TRIM23: variants seen among roughly 807,000 people sequenced by gnomAD.
TRIM23 encodes the protein E3 ubiquitin-protein ligase TRIM23.
TRIM23 carries 27 observed loss-of-function variants against 71.0 expected under a neutral mutation model. The ratio of observed to expected loss-of-function variants is 0.38; its 90% confidence interval spans 0.28 to 0.52. The LOEUF is 0.52. TRIM23 is among the 20% of genes least tolerant of loss of function. The pLI is 0.84. For synonymous variants in TRIM23, 234 were observed against 238.0 expected, an observed-to-expected ratio of 0.98 and a Z score of 0.16; for missense variants, 482 against 692.3, an observed-to-expected ratio of 0.70 and a Z score of 3.41.
chr5:65,611,034 A>G lies in TRIM23; in HGVS notation c.655T>C (p.Leu219=). 6.2e-7 allele frequency: 1 copy of G among 1,611,280 alleles called. No homozygotes were observed. Among genetic ancestry groups the G allele is most frequent in the Non-Finnish European group, 8.5e-7 (1 of 1,179,296 alleles). The stretch of plus-strand genomic sequence containing the variant: ...CGGATCTGATTAGCTTCTGGTTCCA[A>G]TACTGAATGCTATAAAATGTACCAT... ...GKHQGHKHSV[L]EPEANQIRAS... Residue 219 remains leucine, a synonymous_variant, in exon 5 of 11, where the codon TTG becomes CTG. Transcript: ENST00000231524.
At chr5:65,622,471 G>A (rs776275914) in intron 1 of TRIM23, among the ~76,000 whole-genome samples, 3 of 152,158 alleles carry the variant, frequency 2.0e-5, no homozygotes, top group East Asian at 1.9e-4. Flanking sequence ...GTGTGCCACC[G>A]CGCCTAGCCA....
In TRIM23 at chr5:65,594,605, A is replaced by C. The variant is rs753802144; in HGVS notation, c.1461T>G (p.Ile487Met). 3.7e-6 allele frequency: 6 copies of C among 1,611,858 alleles called. No homozygotes were observed. The highest frequency in any genetic ancestry group is 3.3e-5 in the South Asian group (3 of 90,562). The part of the protein sequence containing the change: ...FVVDSSHRDR[I>M]SEAHSELAKL... Reference sequence around the variant, plus strand: ...TTGCAAGTTCGCTGTGTGCTTCACTAATTCTGTCTCTATGACTGCTATCTA... The same window carrying C: ...TTGCAAGTTCGCTGTGTGCTTCACTCATTCTGTCTCTATGACTGCTATCTA... The change falls in exon 10 of 11, where the codon ATT becomes ATG. Residue 487 changes from isoleucine (I) to methionine (M), a missense_variant. By Grantham distance (10) the Ile-to-Met change is conservative. Around this residue, in one of 2 missense-constraint regions of TRIM23, gnomAD observed 307 missense variants for 495.8 expected, o/e 0.62. Coordinates refer to ENST00000231524, the MANE Select transcript of TRIM23 (RefSeq NM_001656.4).
intron 5 of TRIM23, 141 bp downstream of exon 5, chr5:65,610,720 G>GA: frequency 1.6e-6 from 1 of 616,530 alleles, no homozygotes. Context: ...ATGAGTTCCT[G>GA]AAAGACAGGG....
Position 65,591,603 on chromosome 5 carries a change from T to G in TRIM23, c.*166A>C. 2 of 1,252,534 alleles carry G rather than the reference T, an allele frequency of 1.6e-6. No homozygotes were observed. The highest frequency in any genetic ancestry group is 2.1e-6 in the Non-Finnish European group (2 of 966,740). The allele number at this position is 1,252,534 out of a possible 1,614,324, so 77.6% of individuals were successfully genotyped here. A position where few individuals can be genotyped will look rare whatever the true frequency, so the allele number is the denominator to read the frequency against. Reference sequence around the variant, plus strand: ...TTAGAAATTTAATTCTGCCACAAAATTTTTTTAAAGCAAAGTACTGAATTC... The same window carrying G: ...TTAGAAATTTAATTCTGCCACAAAAGTTTTTTAAAGCAAAGTACTGAATTC... On this transcript the variant is annotated 3_prime_UTR_variant, in exon 11 of 11. Transcript: ENST00000231524.
Position 65,618,125 on chromosome 5 carries a change from C to T in TRIM23, c.212G>A (p.Arg71His), listed in dbSNP as rs1050006486. 24 of 1,612,906 alleles carry T rather than the reference C, an allele frequency of 1.5e-5. No homozygotes were observed. The highest frequency in any genetic ancestry group is 2.7e-5 in the African/African-American group (2 of 74,844). The change falls in exon 2 of 11, where the codon CGT (arginine) becomes CAT (histidine). Residue 71 changes from arginine (R) to histidine (H), a missense_variant. Physicochemically the swap from Arg to His is conservative, Grantham distance 29. Around this residue, in one of 2 missense-constraint regions of TRIM23, gnomAD observed 175 missense variants for 196.5 expected, o/e 0.89. Transcript: ENST00000231524. The stretch of plus-strand genomic sequence containing the variant: ...TGTTACTTGTCGATCAAATGGGCAA[C>T]GGATTGCTCTTCCATGAAGAGGTAG... ...TRLPLHGRAI[R>H]CPFDRQVTDL...
At chr5:65,618,319 T>C in intron 1 of TRIM23, 64 bp from the exon 2 acceptor site, 1 of 1,451,658 alleles carries the variant, frequency 6.9e-7, no homozygotes, top group Non-Finnish European at 9.1e-7. Flanking sequence ...ATTTTAGGTA[T>C]ATAAGAAAAT....
chr5:65,603,514 A>G (rs549805489), intron 7 of TRIM23, among the ~76,000 whole-genome samples: 1 of 152,310 alleles, frequency 6.6e-6, no homozygotes, highest in South Asian at 2.1e-4. Context: ...ATGTCTCTAT[A>G]CTTTTTAAAA....
At chr5:65,602,095 AT>A (rs1754378512) in intron 7 of TRIM23, among the ~76,000 whole-genome samples, 1 of 152,054 alleles carries the variant, frequency 6.6e-6, no homozygotes, top group South Asian at 2.1e-4. Flanking sequence ...GCCAGCTTGA[AT>A]TTTTCCCCAG....
At position 65,609,369 on chromosome 5, in the gene TRIM23, A is replaced by G. The variant is rs1754593043; in HGVS notation, c.918T>C (p.Ala306=). 3 of 1,614,162 alleles carry G rather than the reference A, an allele frequency of 1.9e-6. No homozygotes were observed. Among genetic ancestry groups the G allele is most frequent in the Non-Finnish European group, 1.7e-6 (2 of 1,180,034 alleles). Residue 306 remains alanine, a synonymous_variant, in exon 6 of 11, where the codon GCT becomes GCC. Transcript: ENST00000231524. ...HETLCRQEEM[A]LSVVDAHVRE... ...GAACATGAGCATCAACAACACTTAG[A>G]GCCATTTCTTCTTGACGACACAGAG...
At position 65,614,203 on chromosome 5, in the gene TRIM23, C is replaced by T. The variant is rs1241911523; in HGVS notation, c.261G>A (p.Trp87Ter). Reference protein sequence around the residue: ...QVTDLGDSGVWGLKKNFALLE... With the variant: ...QVTDLGDSGV ...ATAAAGCAAAATTTTTTTTCAATCC[C>T]CAGACACCTGAATCACCTAGAATAA... is the stretch of plus-strand genomic sequence containing the variant. Residue 87 changes from tryptophan (W) to a stop codon, truncating the protein, a stop_gained, in exon 3 of 11, where the codon TGG (tryptophan) becomes TGA (stop). Transcript: ENST00000231524. LOFTEE classifies it high-confidence loss of function. 3.1e-6 allele frequency: 5 copies of T among 1,613,432 alleles called. No homozygotes were observed. The highest frequency in any genetic ancestry group is 4.2e-6 in the Non-Finnish European group (5 of 1,179,522).
intron 7 of TRIM23, among the ~76,000 whole-genome samples, chr5:65,600,008 T>C (rs1051650498): frequency 2.6e-5 from 4 of 151,842 alleles, no homozygotes; most frequent in African/African-American, 4.8e-5. Flanking sequence ...CTTACAATCA[T>C]GGTGGAAAGC....
At chr5:65,615,905 G>C (rs1462691271) in intron 2 of TRIM23, among the ~76,000 whole-genome samples, 2 of 152,154 alleles carry the variant, frequency 1.3e-5, no homozygotes, top group African/African-American at 4.8e-5. Flanking sequence ...GGGAAGACAA[G>C]AGAGACTCTG....
Position 65,596,425 on chromosome 5 carries a change from A to C in TRIM23, c.1416T>G (p.Thr472=). Residue 472 remains threonine, a synonymous_variant, in exon 9 of 11, where the codon ACT becomes ACG. Coordinates refer to ENST00000231524, the MANE Select transcript of TRIM23 (RefSeq NM_001656.4). The part of the protein sequence containing the change: ...RPLWKHYYLN[T]QAVVFVVDSS... Reference sequence around the variant, plus strand: ...AATGTCATTTTTAACTCTCACCTTGAGTATTGAGGTAATAATGTTTCCACA... The same window carrying C: ...AATGTCATTTTTAACTCTCACCTTGCGTATTGAGGTAATAATGTTTCCACA... 1.3e-6 allele frequency: 2 copies of C among 1,580,302 alleles called. No homozygotes were observed. The highest frequency in any genetic ancestry group is 1.7e-6 in the Non-Finnish European group (2 of 1,152,252).
intron 1 of TRIM23, among the ~76,000 whole-genome samples, chr5:65,620,772 T>C (rs1466261348): frequency 9.4e-6 from 1 of 106,780 alleles, no homozygotes; most frequent in African/African-American, 3.6e-5. Flanking sequence ...AAGGGGAAAG[T>C]TTCACGTTAT....
intron 7 of TRIM23, among the ~76,000 whole-genome samples, chr5:65,602,041 A>G (rs1358030334): frequency 6.6e-6 from 1 of 152,206 alleles, no homozygotes; most frequent in Non-Finnish European, 1.5e-5. Flanking sequence ...CCTTGGTCTT[A>G]GGTATTAACA....
chr5:65,605,723 T>C (rs775014666), intron 6 of TRIM23, among the ~76,000 whole-genome samples: 2 of 152,080 alleles, frequency 1.3e-5, no homozygotes, highest in African/African-American at 4.8e-5. Flanking sequence ...TCTATACATA[T>C]ACCAACATAG....
intron 2 of TRIM23, among the ~76,000 whole-genome samples, chr5:65,614,565 T>C (rs143113724): frequency 0.19 from 28,864 of 151,728 alleles, 3,377 homozygotes; most frequent in South Asian, 0.32. Context: ...TGAAATCCCG[T>C]CTCTACTAAA....
chr5:65,596,176 T>C (rs1754200937), intron 9 of TRIM23, among the ~76,000 whole-genome samples: 1 of 152,222 alleles, frequency 6.6e-6, no homozygotes, highest in Non-Finnish European at 1.5e-5. Context: ...AGAGTACTCT[T>C]AACTGACTAC....
In TRIM23 at chr5:65,590,197, C is replaced by G. The variant is rs1753980211; in HGVS notation, c.*1572G>C. On this transcript the variant is annotated 3_prime_UTR_variant, in exon 11 of 11. Transcript: ENST00000231524. ...CAAGTTCTCACAAGCAATACAACAC[C>G]TTTTTTATTTTTCACAGTTATTGAA... The G allele has an allele frequency of 1.3e-6, 1 of 797,838 alleles. No homozygotes were observed. The highest frequency in any genetic ancestry group is 2.0e-6 in the Non-Finnish European group (1 of 501,488). 49.4% of individuals were successfully genotyped at this position (797,838 alleles called of 1,614,324 possible).
Sources: gnomAD v4.1 joint callset for allele counts (sites outside exome capture counted in the v4.1 genomes callset) on GRCh38, gnomAD v4.1.1 for gene constraint, gnomAD v4.1.1 regional missense constraint, MANE v1.5 for transcripts, NCBI Gene and HGNC (gene_info 2026-07-23, HGNC 2026-07-21) for gene names.